The following PAH variants were observed in gnomAD, a reference collection of about 807,000 sequenced individuals.
PAH encodes phenylalanine-4-hydroxylase.
A neutral mutation model predicts 62.0 loss-of-function variants in PAH; 64 were observed. The observed-to-expected ratio is 1.03, with a 90% CI of 0.84 to 1.27. The LOEUF is 1.27. PAH is among the 50% of genes most tolerant of loss of function. PAH has a pLI of 0.00. For synonymous variants in PAH, 195 were observed against 196.2 expected (o/e 0.99, Z 0.05); for missense variants, 579 against 542.8 (o/e 1.07, Z -0.66).
intron 4 of PAH, among the ~76,000 whole-genome samples, chr12:102,868,915 C>T (rs1876185132): frequency 6.6e-6 from 1 of 152,166 alleles, no homozygotes; most frequent in African/African-American, 2.4e-5. Flanking sequence ...AATATGTAGA[C>T]TTTTGACCCT....
intron 1 of PAH, among the ~76,000 whole-genome samples, chr12:102,935,495 T>G (rs1347965127): frequency 6.6e-6 from 1 of 152,094 alleles, no homozygotes; most frequent in Non-Finnish European, 1.5e-5. Context: ...AAATGTTTGG[T>G]GAAATTTAGC....
chr12:102,901,815 A>C (rs1877772108), intron 2 of PAH, among the ~76,000 whole-genome samples: 1 of 152,224 alleles, frequency 6.6e-6, no homozygotes, highest in Non-Finnish European at 1.5e-5. Flanking sequence ...TTAGGTAAAT[A>C]GACAGGACCA....
At chr12:102,897,485 AT>A (rs1877560197) in intron 2 of PAH, among the ~76,000 whole-genome samples, 1 of 139,180 alleles carries the variant, frequency 7.2e-6, no homozygotes, top group African/African-American at 3.0e-5. Flanking sequence ...ATATATATAT[AT>A]ATATATAATT....
chr12:102,853,165 C>T (rs1875259004), intron 6 of PAH: 5 of 596,818 alleles, frequency 8.4e-6, no homozygotes, highest in Admixed American at 5.5e-5. Context: ...TCCTCATCTG[C>T]ATAATGTGGA....
chr12:102,844,272 C>A, intron 10 of PAH, 64 bp downstream of exon 10: 1 of 1,139,424 alleles, frequency 8.8e-7, no homozygotes, highest in South Asian at 1.3e-5. Context: ...ATATTGAAAG[C>A]ACAATAATGG....
chr12:102,954,486 T>C (rs1220139261), upstream of PAH, among the ~76,000 whole-genome samples: 2 of 152,142 alleles, frequency 1.3e-5, no homozygotes, highest in African/African-American at 4.8e-5. Flanking sequence ...ATACATATCA[T>C]TGAAGTCTCA....
chr12:102,847,936 T>C (rs897870446), intron 8 of PAH, among the ~76,000 whole-genome samples: 8 of 152,142 alleles, frequency 5.3e-5, no homozygotes, highest in African/African-American at 1.9e-4. Context: ...GAGGAACCAA[T>C]GTGGCTGGAG....
At chr12:102,954,554 G>T (rs556405750), upstream of PAH, among the ~76,000 whole-genome samples, 17 of 152,306 alleles carry the variant, frequency 1.1e-4, no homozygotes, top group Non-Finnish European at 2.2e-4. Context: ...GACCCCTAGA[G>T]TGTCTCAGGG....
rs370258593 is a variant in PAH, at chr12:102,844,316, G to C, written c.1065+20C>G. On this transcript the variant is annotated intron_variant, in intron 10 of 12. Transcript: ENST00000553106. ...ACCCACCACTTTTAAATCTATCCTT[G>C]GTTCCTGTGAAGGTCATACCTGTAA... 6 of 1,513,498 alleles carry C rather than the reference G, an allele frequency of 4.0e-6. No homozygotes were observed. The East Asian group carries it at 1.4e-4, about 34-fold the overall frequency. 93.8% of individuals were successfully genotyped at this position (1,513,498 alleles called of 1,614,324 possible).
At chr12:102,842,145 G>A (rs572073780) in intron 11 of PAH, among the ~76,000 whole-genome samples, 1 of 152,158 alleles carries the variant, frequency 6.6e-6, no homozygotes, top group Non-Finnish European at 1.5e-5. Context: ...TCACTTGCTG[G>A]TTAGAGAGTT....
intron 5 of PAH, among the ~76,000 whole-genome samples, chr12:102,865,233 T>C (rs1425373748): frequency 6.6e-6 from 1 of 152,148 alleles, no homozygotes; most frequent in Non-Finnish European, 1.5e-5. Context: ...CAGAAGTAAG[T>C]GAATGTACTT....
intron 2 of PAH, among the ~76,000 whole-genome samples, chr12:102,895,799 G>A (rs1877471433): frequency 6.7e-6 from 1 of 148,450 alleles, no homozygotes; most frequent in African/African-American, 2.5e-5. Flanking sequence ...AAGTTGCAGT[G>A]AGCCAAGATC....
chr12:102,840,563 G>C, intron 11 of PAH, 48 bp from the exon 12 acceptor site: 1 of 1,303,564 alleles, frequency 7.7e-7, no homozygotes, highest in Non-Finnish European at 1.1e-6. Flanking sequence ...TTTGGAGAAA[G>C]GTAGTCTTAA....
Position 102,902,668 on chromosome 12 carries a change from A to G in PAH, c.169-7750T>C, listed in dbSNP as rs79173608. On this transcript the variant is annotated intron_variant, in intron 2 of 12. Coordinates refer to ENST00000553106, the MANE Select transcript of PAH (RefSeq NM_000277.3). ...TTACAGGAAACCAGAAATATTCAAG[A>G]AAGTATGAGCAGCACAATTAAATTC... 7.9e-4 allele frequency among the ~76,000 whole-genome samples: 120 copies of G among 152,320 alleles called. No individual in the cohort carries two copies. In the East Asian group the frequency reaches 0.021, roughly 27 times the overall value.
rs1565853526 is a variant in PAH, at chr12:102,866,644, T to A, written c.461A>T (p.Tyr154Phe). 3 of 1,613,770 alleles carry A rather than the reference T, an allele frequency of 1.9e-6. No homozygotes were observed. The highest frequency in any genetic ancestry group is 2.5e-6 in the Non-Finnish European group (3 of 1,179,710). ...AGCAAACTGCTTCCGTCTTGCACGGTACACAGGATCTTTAAAACCCTAGGA... is the reference window on the plus strand; with the variant it reads ...AGCAAACTGCTTCCGTCTTGCACGGAACACAGGATCTTTAAAACCCTAGGA... ...ADHPGFKDPV[Y>F]RARRKQFADI... Residue 154 changes from tyrosine (Y) to phenylalanine (F), a missense_variant, in exon 5 of 13, where the codon TAC becomes TTC. Physicochemically the swap from Tyr to Phe is conservative, Grantham distance 22. Coordinates refer to ENST00000553106, the MANE Select transcript of PAH (RefSeq NM_000277.3).
chr12:102,838,885 T>C lies in PAH; in HGVS notation c.*290A>G. 2.2e-6 allele frequency: 1 copy of C among 459,080 alleles called. No individual in the cohort carries two copies. Among genetic ancestry groups the C allele is most frequent in the South Asian group, 2.6e-5 (1 of 38,868 alleles). The allele number at this position is 459,080 out of a possible 1,614,324, so 28.4% of individuals were successfully genotyped here. The stretch of plus-strand genomic sequence containing the variant: ...GAATGAAGCAGGTCCCAAATTTTAA[T>C]TAATCTTGATGAAATGCGACAGATT... On this transcript the variant is annotated 3_prime_UTR_variant, in exon 13 of 13. Coordinates refer to ENST00000553106, the MANE Select transcript of PAH (RefSeq NM_000277.3).
intron 11 of PAH, among the ~76,000 whole-genome samples, chr12:102,841,138 G>T (rs1874576526): frequency 6.6e-6 from 1 of 152,128 alleles, no homozygotes; most frequent in African/African-American, 2.4e-5. Flanking sequence ...TGACTACTAA[G>T]GCCATACTGT....
upstream of PAH, among the ~76,000 whole-genome samples, chr12:102,952,075 C>T (rs1879778912): frequency 6.6e-6 from 1 of 152,040 alleles, no homozygotes; most frequent in South Asian, 2.1e-4. Context: ...TCTTGCGGCT[C>T]AAAGATTCAG....
chr12:102,894,884 C>G lies in PAH; in HGVS notation c.203G>C (p.Arg68Thr). ...CTCATCTTTCTTTAAACGAGAAGGTCTAGATTCAATGTGGGTCAGGTTTAC... is the reference window on the plus strand; with the variant it reads ...CTCATCTTTCTTTAAACGAGAAGGTGTAGATTCAATGTGGGTCAGGTTTAC... ...NDVNLTHIES[R>T]PSRLKKDEYE... The change falls in exon 3 of 13, where the codon AGA becomes ACA. Residue 68 changes from arginine to threonine, a missense_variant. By Grantham distance (71) the Arg-to-Thr change is moderately conservative. Transcript: ENST00000553106. 1.2e-6 allele frequency: 2 copies of G among 1,613,756 alleles called. No individual in the cohort carries two copies. The highest frequency in any genetic ancestry group is 1.7e-6 in the Non-Finnish European group (2 of 1,179,860).
Sources: allele counts gnomAD v4.1 joint callset (sites outside exome capture counted in the v4.1 genomes callset), GRCh38; gene constraint gnomAD v4.1.1; transcripts MANE v1.5; gene names NCBI Gene and HGNC (gene_info 2026-07-23, HGNC 2026-07-21).